Variants in JMJD1C observed in about 807,000 individuals in gnomAD.
JMJD1C encodes jumonji domain containing 1C, also known as jumonji domain-containing protein 1C.
In JMJD1C, 31 loss-of-function variants were observed where a neutral mutation model predicts 245.3. The observed-to-expected ratio is 0.13, with a 90% CI of 0.09 to 0.17. JMJD1C has a LOEUF of 0.17. Among genes scored for constraint, JMJD1C ranks in the 10% least tolerant of loss-of-function variants. The pLI is 1.00. For missense variants in JMJD1C, 2,691 were observed against 3,000.2 expected, an observed-to-expected ratio of 0.90 and a Z score of 2.41; for synonymous variants, 1,057 against 1,017.4, an observed-to-expected ratio of 1.04 and a Z score of -0.74.
At position 63,185,583 on chromosome 10, in the gene JMJD1C, G is replaced by A. The variant is rs1392093680; in HGVS notation, c.6810C>T (p.Phe2270=). The A allele has an allele frequency of 1.9e-6, 3 of 1,600,202 alleles. No individual in the cohort carries two copies. Among genetic ancestry groups the A allele is most frequent in the Non-Finnish European group, 2.6e-6 (3 of 1,167,498 alleles). Residue 2270 remains phenylalanine, a synonymous_variant, in exon 20 of 26, where the codon TTC becomes TTT. Coordinates refer to ENST00000399262, the MANE Select transcript of JMJD1C (RefSeq NM_032776.3). ...KLKDWPSGED[F]KTMMPARYED... is the part of the protein sequence containing the mutation. ...CAAACCTTGCTGGCATCATAGTCTTGAAGTCTTCTCCTGAAGGCCAGTCTT... is the reference window on the plus strand; with the variant it reads ...CAAACCTTGCTGGCATCATAGTCTTAAAGTCTTCTCCTGAAGGCCAGTCTT...
At chr10:63,252,990 C>T (rs4454603) in intron 3 of JMJD1C, among the ~76,000 whole-genome samples, 64,715 of 152,040 alleles carry the variant, frequency 0.43, 14,403 homozygotes, top group South Asian at 0.53. Context: ...CATATGTTTC[C>T]TACAAGGGAG....
intron 11 of JMJD1C, 126 bp from the exon 12 acceptor site, chr10:63,198,853 A>G (rs1368132279): frequency 1.9e-6 from 1 of 534,316 alleles, no homozygotes; most frequent in African/African-American, 1.9e-5. Context: ...TAAAAACAGG[A>G]AAACAGGTTA....
At position 63,310,248 on chromosome 10, in the gene JMJD1C, C is replaced by T. The variant is rs375780658; in HGVS notation, c.334-45484G>A. Among the ~76,000 whole-genome samples, 9 of 152,254 alleles carry T rather than the reference C, an allele frequency of 5.9e-5. No individual in the cohort carries two copies. In the South Asian group the frequency reaches 1.9e-3, roughly 32 times the overall value. Reference sequence around the variant, plus strand: ...CCTAAAATAATATATAAATTCAATGCCATTCCAGTGAAAAATCTCAAAGGG... The same window carrying T: ...CCTAAAATAATATATAAATTCAATGTCATTCCAGTGAAAAATCTCAAAGGG... On this transcript the variant is annotated intron_variant, in intron 2 of 25. Transcript: ENST00000399262.
At chr10:63,330,715 A>G (rs1272540996) in intron 2 of JMJD1C, among the ~76,000 whole-genome samples, 1 of 152,138 alleles carries the variant, frequency 6.6e-6, no homozygotes, top group Non-Finnish European at 1.5e-5. Context: ...GATGTTAATG[A>G]TCCACCCCCT....
intron 3 of JMJD1C, among the ~76,000 whole-genome samples, chr10:63,230,289 T>C (rs992400360): frequency 2.6e-5 from 4 of 152,062 alleles, no homozygotes; most frequent in Admixed American, 2.6e-4. Context: ...GGAGAATCCG[T>C]TGAACCTGGG....
intron 1 of JMJD1C, among the ~76,000 whole-genome samples, chr10:63,445,209 G>A (rs1001590297): frequency 1.3e-5 from 2 of 152,176 alleles, no homozygotes; most frequent in Non-Finnish European, 2.9e-5. Flanking sequence ...GACAGAACAA[G>A]AGCCAGTCTT....
chr10:63,445,928 T>C (rs759547384), intron 1 of JMJD1C, among the ~76,000 whole-genome samples: 11 of 129,904 alleles, frequency 8.5e-5, no homozygotes, highest in Non-Finnish European at 6.2e-5. Flanking sequence ...TAGGCTGGAG[T>C]GCAGTGGTGT....
At chr10:63,295,999 GTGTGTA>G (rs1419301759) in intron 2 of JMJD1C, among the ~76,000 whole-genome samples, 4 of 95,428 alleles carry the variant, frequency 4.2e-5, no homozygotes, top group South Asian at 3.7e-4. Context: ...GTGTGTGTGT[GTGTGTA>G]TATATATATT....
chr10:63,191,089 A>C lies in JMJD1C; in HGVS notation c.6096T>G (p.Leu2032=), dbSNP rs1564576622. The C allele has an allele frequency of 1.9e-5, 31 of 1,612,956 alleles. No individual in the cohort carries two copies. Among genetic ancestry groups the C allele is most frequent in the Non-Finnish European group, 2.6e-5 (31 of 1,179,042 alleles). ...CTCTTTCTTCTTTAATTTGGTTTTCAAGGGTAAGTTCTTTGTTTTCTGAAA... is the reference window on the plus strand; with the variant it reads ...CTCTTTCTTCTTTAATTTGGTTTTCCAGGGTAAGTTCTTTGTTTTCTGAAA... The part of the protein sequence containing the change: ...EEKKENKELT[L]ENQIKEEREQ... The change falls in exon 17 of 26, where the codon CTT becomes CTG. Residue 2032 remains leucine, a synonymous_variant. Coordinates refer to ENST00000399262, the MANE Select transcript of JMJD1C (RefSeq NM_032776.3).
chr10:63,415,268 A>G (rs540809301), intron 1 of JMJD1C, among the ~76,000 whole-genome samples: 26 of 5,476 alleles, frequency 4.7e-3, no homozygotes, highest in Non-Finnish European at 0.023. Flanking sequence ...TTTTAGTGTC[A>G]TTATTCATTT....
At chr10:63,371,182 A>G (rs1349888874) in intron 2 of JMJD1C, among the ~76,000 whole-genome samples, 1 of 148,776 alleles carries the variant, frequency 6.7e-6, no homozygotes, top group African/African-American at 2.5e-5. Flanking sequence ...GGGTATAGCT[A>G]TGCTGCCCTG....
At chr10:63,470,693 C>A (rs1315621055), upstream of JMJD1C, among the ~76,000 whole-genome samples, 1 of 152,030 alleles carries the variant, frequency 6.6e-6, no homozygotes, top group Non-Finnish European at 1.5e-5. Flanking sequence ...ACAAACATAA[C>A]TTTCTGACTA....
At chr10:63,281,404 C>T (rs1169199738) in intron 2 of JMJD1C, among the ~76,000 whole-genome samples, 1 of 147,344 alleles carries the variant, frequency 6.8e-6, no homozygotes, top group Non-Finnish European at 1.5e-5. Flanking sequence ...TGTGATCTGC[C>T]CGTCTCGGCC....
At chr10:63,251,135 T>C (rs1256161215) in intron 3 of JMJD1C, among the ~76,000 whole-genome samples, 2 of 152,154 alleles carry the variant, frequency 1.3e-5, no homozygotes, top group Non-Finnish European at 2.9e-5. Flanking sequence ...ACTTTACATA[T>C]ACAAAGAGAT....
chr10:63,190,771 A>G, intron 17 of JMJD1C, 123 bp downstream of exon 17: 1 of 710,360 alleles, frequency 1.4e-6, no homozygotes, highest in Middle Eastern at 3.5e-4. Flanking sequence ...AAATAGAAAC[A>G]TGCCTAGCAA....
chr10:63,259,131 G>A (rs1854361088), intron 3 of JMJD1C, among the ~76,000 whole-genome samples: 1 of 152,154 alleles, frequency 6.6e-6, no homozygotes, highest in Admixed American at 6.5e-5. Flanking sequence ...AGGAAGTTCT[G>A]TTTACTTCTT....
At chr10:63,424,277 C>G (rs1193850712) in intron 1 of JMJD1C, among the ~76,000 whole-genome samples, 3 of 150,716 alleles carry the variant, frequency 2.0e-5, no homozygotes, top group Admixed American at 2.0e-4. Flanking sequence ...ATATTGCCCA[C>G]GCTGGTCTTG....
chr10:63,301,631 A>G, intron 2 of JMJD1C: 2 of 326,898 alleles, frequency 6.1e-6, no homozygotes, highest in Non-Finnish European at 1.2e-5. Context: ...GACACAGGGA[A>G]GGAAACATCA....
chr10:63,340,792 A>G (rs977559683), intron 2 of JMJD1C, among the ~76,000 whole-genome samples: 2 of 152,124 alleles, frequency 1.3e-5, no homozygotes, highest in African/African-American at 2.4e-5. Flanking sequence ...TAAAAATACA[A>G]AAATTGGCTG....
Sources: gnomAD v4.1 joint callset for allele counts (sites outside exome capture counted in the v4.1 genomes callset) on GRCh38, gnomAD v4.1.1 for gene constraint, MANE v1.5 for transcripts, NCBI Gene and HGNC (gene_info 2026-07-23, HGNC 2026-07-21) for gene names.